Variants in CFAP77 observed in about 807,000 individuals in gnomAD.
CFAP77 encodes cilia and flagella associated protein 77.
CFAP77 carries 25 observed loss-of-function variants against 31.1 expected under a neutral mutation model. The observed-to-expected ratio is 0.80, with a 90% CI of 0.59 to 1.12. The LOEUF (loss-of-function observed/expected upper bound fraction) is 1.12. Among genes scored for constraint, CFAP77 ranks in the 50% most tolerant of loss-of-function variants. CFAP77 has a pLI of 0.00. For missense variants in CFAP77, 377 were observed against 397.3 expected (o/e 0.95, Z 0.44); for synonymous variants, 151 against 159.9 (o/e 0.94, Z 0.42).
chr9:132,432,181 T>C (rs1230593698), intron 1 of CFAP77, among the ~76,000 whole-genome samples: 1 of 152,122 alleles, frequency 6.6e-6, no homozygotes, highest in African/African-American at 2.4e-5. Flanking sequence ...TCTCTTAGAA[T>C]TTCTAGTTCT....
At chr9:132,423,818 T>A (rs1243570097) in intron 1 of CFAP77, among the ~76,000 whole-genome samples, 3 of 152,250 alleles carry the variant, frequency 2.0e-5, no homozygotes, top group Non-Finnish European at 2.9e-5. Flanking sequence ...GCTGGCAGTG[T>A]GGCCTGAGTA....
chr9:132,410,595 C>G, intron 1 of CFAP77, 129 bp downstream of exon 1: 1 of 797,234 alleles, frequency 1.3e-6, no homozygotes, highest in East Asian at 3.3e-5. Flanking sequence ...AGCTCCAGCT[C>G]TGGTCCAGAC....
intron 1 of CFAP77, among the ~76,000 whole-genome samples, chr9:132,461,914 C>T (rs1009801292): frequency 2.0e-5 from 3 of 152,176 alleles, no homozygotes; most frequent in Admixed American, 1.3e-4. Flanking sequence ...TTAAACGCCC[C>T]AAGGGTCCTT....
intron 3 of CFAP77, among the ~76,000 whole-genome samples, chr9:132,519,909 T>C (rs1325397209): frequency 6.6e-6 from 1 of 150,526 alleles, no homozygotes; most frequent in East Asian, 2.0e-4. Context: ...GGTGGGTGGA[T>C]GGGAGGATGG....
intron 1 of CFAP77, among the ~76,000 whole-genome samples, chr9:132,484,791 G>A (rs1039134536): frequency 6.6e-6 from 1 of 151,170 alleles, no homozygotes; most frequent in African/African-American, 2.4e-5. Flanking sequence ...AATTCCTTTG[G>A]TATATCACTA....
chr9:132,423,412 A>G (rs1357988834), intron 1 of CFAP77, among the ~76,000 whole-genome samples: 1 of 152,238 alleles, frequency 6.6e-6, no homozygotes, highest in Non-Finnish European at 1.5e-5. Context: ...GCCCACTGAC[A>G]GCTGCTGCCC....
At chr9:132,530,282 T>A (rs1262195194) in intron 3 of CFAP77, among the ~76,000 whole-genome samples, 15 of 150,536 alleles carry the variant, frequency 1.0e-4, no homozygotes, top group Admixed American at 9.3e-4. Flanking sequence ...TTTTCTTTTT[T>A]TTTTTTTGAG....
chr9:132,496,652 C>T (rs528553015), intron 1 of CFAP77, among the ~76,000 whole-genome samples: 18 of 152,218 alleles, frequency 1.2e-4, no homozygotes, highest in Admixed American at 4.6e-4. Context: ...TCCATGCTAC[C>T]GCGGGTACAA....
chr9:132,452,395 C>T (rs1399094487), intron 1 of CFAP77, among the ~76,000 whole-genome samples: 1 of 151,824 alleles, frequency 6.6e-6, no homozygotes. Context: ...CTTCCCGTGC[C>T]CCTGCTTTGC....
chr9:132,432,462 A>G (rs556364238), intron 1 of CFAP77, among the ~76,000 whole-genome samples: 92 of 150,676 alleles, frequency 6.1e-4, no homozygotes, highest in African/African-American at 2.1e-3. Context: ...TCTGCAGTTT[A>G]CCCCTCCTTC....
At position 132,510,767 on chromosome 9, in the gene CFAP77, G is replaced by A. The variant is rs549372648; in HGVS notation, c.524+11167G>A. Among the ~76,000 whole-genome samples the A allele has an allele frequency of 2.0e-5, 3 of 152,280 alleles. No homozygotes were observed. The East Asian group carries it at 5.8e-4, about 29-fold the overall frequency. On this transcript the variant is annotated intron_variant, in intron 3 of 5. Transcript: ENST00000393216. ...TCCCGTCGGAGGCCAGATGGGAGTGGCTGTTCAAGCTAGAAACCGCTGGAG... is the reference window on the plus strand; with the variant it reads ...TCCCGTCGGAGGCCAGATGGGAGTGACTGTTCAAGCTAGAAACCGCTGGAG...
At position 132,565,333 on chromosome 9, in the gene CFAP77, T is replaced by G. The variant is rs1477891239; in HGVS notation, c.733-7055T>G. On this transcript the variant is annotated intron_variant, in intron 5 of 5. Coordinates refer to ENST00000393216, the MANE Select transcript of CFAP77 (RefSeq NM_001282957.2). This position sits in a 1 kb window ranked among gnomAD's most constrained non-coding sequence, Gnocchi z 4.1. ...AGATTTCCCCAGTCCACAATCTTAT[T>G]AAATAGCTCTTGTCGGCCTGGTGCC... Among the ~76,000 whole-genome samples the G allele has an allele frequency of 2.0e-5, 3 of 151,966 alleles. No homozygotes were observed. The highest frequency in any genetic ancestry group is 6.6e-5 in the Admixed American group (1 of 15,230).
chr9:132,562,119 C>T (rs1273574994), intron 5 of CFAP77, among the ~76,000 whole-genome samples: 5 of 152,178 alleles, frequency 3.3e-5, no homozygotes, highest in African/African-American at 1.2e-4. Context: ...TGTGGCAAAA[C>T]TTTGTAATCA....
chr9:132,426,002 T>G (rs999483), intron 1 of CFAP77, among the ~76,000 whole-genome samples: 32,946 of 152,178 alleles, frequency 0.22, 3,745 homozygotes, highest in South Asian at 0.3. Flanking sequence ...TACATGAAAG[T>G]GACTTGTTCA....
chr9:132,446,266 C>T (rs892470646), intron 1 of CFAP77, among the ~76,000 whole-genome samples: 1 of 152,088 alleles, frequency 6.6e-6, no homozygotes, highest in Non-Finnish European at 1.5e-5. Context: ...TGCCAGAGAG[C>T]AGGGCTGAAC....
intron 1 of CFAP77, among the ~76,000 whole-genome samples, chr9:132,487,262 A>G (rs1387735798): frequency 6.6e-6 from 1 of 152,214 alleles, no homozygotes; most frequent in Non-Finnish European, 1.5e-5. Flanking sequence ...ACCCAAGGTC[A>G]CACGGGAAGT....
intron 1 of CFAP77, among the ~76,000 whole-genome samples, chr9:132,429,610 C>T (rs1467493820): frequency 4.0e-5 from 6 of 148,522 alleles, no homozygotes; most frequent in African/African-American, 1.2e-4. Flanking sequence ...TTTGGGAGGC[C>T]AAGGCGGGTG....
chr9:132,453,223 C>T (rs1002461996), intron 1 of CFAP77, among the ~76,000 whole-genome samples: 5 of 152,108 alleles, frequency 3.3e-5, no homozygotes, highest in African/African-American at 1.2e-4. Context: ...TAACGTTCAG[C>T]TTTTTAAAAA....
chr9:132,570,690 G>A lies in CFAP77; in HGVS notation c.733-1698G>A, dbSNP rs376509966. ...GAAGGTGAAGAACATGGTTATTCCTGGAAGAACGGAGTCTCTGGTCACCAT... is the reference window on the plus strand; with the variant it reads ...GAAGGTGAAGAACATGGTTATTCCTAGAAGAACGGAGTCTCTGGTCACCAT... On this transcript the variant is annotated intron_variant, in intron 5 of 5. Coordinates refer to ENST00000393216, the MANE Select transcript of CFAP77 (RefSeq NM_001282957.2). Among the ~76,000 whole-genome samples the A allele has an allele frequency of 2.6e-5, 4 of 152,200 alleles. No homozygotes were observed. The East Asian group carries it at 5.8e-4, about 22-fold the overall frequency.
Sources: allele counts gnomAD v4.1 joint callset (sites outside exome capture counted in the v4.1 genomes callset), GRCh38; gene constraint gnomAD v4.1.1; non-coding constraint Gnocchi (gnomAD v3.1); transcripts MANE v1.5; gene names NCBI Gene and HGNC (gene_info 2026-07-23, HGNC 2026-07-21).